Variants in TEX9 observed in about 807,000 individuals in gnomAD.
TEX9 encodes the protein testis-expressed protein 9.
TEX9 carries 74 observed loss-of-function variants against 59.6 expected under a neutral mutation model. The ratio of observed to expected loss-of-function variants is 1.24; its 90% CI spans 1.03 to 1.51. TEX9 has a LOEUF of 1.51. Among genes scored for constraint, TEX9 ranks in the 40% most tolerant of loss-of-function variants. The pLI, the probability that TEX9 is intolerant of heterozygous loss-of-function variation, is 0.00. For synonymous variants in TEX9, 186 were observed against 152.2 expected (o/e 1.22, Z -1.64); for missense variants, 522 against 447.8 (o/e 1.17, Z -1.49).
intron 9 of TEX9, among the ~76,000 whole-genome samples, chr15:56,407,625 T>C (rs377746110): frequency 1.6e-3 from 242 of 152,280 alleles, no homozygotes; most frequent in African/African-American, 5.7e-3. Context: ...CTACTTTAAA[T>C]GTATTTACAA....
chr15:56,315,038 G>A (rs1256625769), intron 1 of TEX9, among the ~76,000 whole-genome samples: 3 of 151,138 alleles, frequency 2.0e-5, no homozygotes, highest in Non-Finnish European at 4.4e-5. Context: ...TTGAGCCTAT[G>A]TGTGTCTCTG....
In TEX9 at chr15:56,318,450, T is replaced by A. The variant is rs1228015410; in HGVS notation, c.-106-54991T>A. 2.0e-5 allele frequency among the ~76,000 whole-genome samples: 3 copies of A among 152,188 alleles called. No homozygotes were observed. In the East Asian group the frequency reaches 5.8e-4, roughly 29 times the overall value. Reference sequence around the variant, plus strand: ...TATCGTTGGATCATGTTTTTATCTATTCTACAGTTCTTGGCCTTTTGATTG... The same window carrying A: ...TATCGTTGGATCATGTTTTTATCTAATCTACAGTTCTTGGCCTTTTGATTG... On this transcript the variant is annotated intron_variant, in intron 1 of 5. Coordinates refer to the TEX9 transcript ENST00000560827.
intron 9 of TEX9, among the ~76,000 whole-genome samples, chr15:56,403,171 A>G (rs957350624): frequency 1.2e-4 from 18 of 152,340 alleles, no homozygotes; most frequent in East Asian, 5.8e-4. Flanking sequence ...AGGGTATTCA[A>G]TTATGAAAAG....
At chr15:56,359,609 T>G (rs1437120718) in intron 1 of TEX9, among the ~76,000 whole-genome samples, 1 of 152,196 alleles carries the variant, frequency 6.6e-6, no homozygotes, top group Non-Finnish European at 1.5e-5. Flanking sequence ...TTTTTATCAT[T>G]TTATTAGTTA....
intron 1 of TEX9, among the ~76,000 whole-genome samples, chr15:56,350,920 T>C (rs1468327637): frequency 6.6e-6 from 1 of 152,170 alleles, no homozygotes; most frequent in African/African-American, 2.4e-5. Flanking sequence ...ATTTTTAGTA[T>C]GTGTGGCAAT....
chr15:56,409,268 G>C (rs1449068604), intron 9 of TEX9, among the ~76,000 whole-genome samples: 2 of 151,912 alleles, frequency 1.3e-5, no homozygotes, highest in African/African-American at 4.8e-5. Flanking sequence ...TCCTCCAAAG[G>C]CTTCCCGTGT....
intron 1 of TEX9, among the ~76,000 whole-genome samples, chr15:56,302,004 A>C (rs1413670922): frequency 1.3e-5 from 2 of 152,222 alleles, no homozygotes; most frequent in African/African-American, 2.4e-5. Flanking sequence ...TAGTATAATA[A>C]AATAGAAATA....
chr15:56,277,584 G>T (rs1567071068), intron 1 of TEX9, among the ~76,000 whole-genome samples: 1 of 152,228 alleles, frequency 6.6e-6, no homozygotes, highest in Non-Finnish European at 1.5e-5. Flanking sequence ...TAGCCTTACA[G>T]TTTGAAGTCA....
chr15:56,322,544 C>T (rs1247743353), intron 1 of TEX9, among the ~76,000 whole-genome samples: 1 of 152,122 alleles, frequency 6.6e-6, no homozygotes. Flanking sequence ...CCTCAGGATT[C>T]CTTATCTCTT....
chr15:56,358,861 C>T (rs538201755), intron 1 of TEX9, among the ~76,000 whole-genome samples: 1 of 152,176 alleles, frequency 6.6e-6, no homozygotes, highest in South Asian at 2.1e-4. Flanking sequence ...TTATAAGTGT[C>T]TGACATTTCC....
intron 9 of TEX9, chr15:56,397,393 G>C (rs776108417): frequency 1.3e-5 from 2 of 152,166 alleles, no homozygotes; most frequent in African/African-American, 2.4e-5. Flanking sequence ...GAGCACAAAA[G>C]GTTGGAAAAT....
intron 1 of TEX9, among the ~76,000 whole-genome samples, chr15:56,271,387 A>G (rs1212679604): frequency 6.6e-6 from 1 of 151,972 alleles, no homozygotes; most frequent in African/African-American, 2.4e-5. Flanking sequence ...CATTAATTTC[A>G]TCTTGAATCA....
chr15:56,432,587 T>G (rs1382437576), intron 12 of TEX9, among the ~76,000 whole-genome samples: 2 of 152,182 alleles, frequency 1.3e-5, no homozygotes, highest in Non-Finnish European at 2.9e-5. Context: ...CATTTATAAG[T>G]CTTTAAAAAT....
intron 1 of TEX9, among the ~76,000 whole-genome samples, chr15:56,338,086 A>G (rs1480684962): frequency 6.6e-6 from 1 of 152,174 alleles, no homozygotes; most frequent in Non-Finnish European, 1.5e-5. Flanking sequence ...GGCACAAGGA[A>G]TCTGAAATGA....
At chr15:56,247,747 A>G (rs192310460) in intron 1 of TEX9, among the ~76,000 whole-genome samples, 4 of 152,352 alleles carry the variant, frequency 2.6e-5, no homozygotes, top group African/African-American at 4.8e-5. Flanking sequence ...TGCTGAAAGT[A>G]TACATTTCAC....
chr15:56,431,544 T>G, intron 12 of TEX9: 1 of 1,600,736 alleles, frequency 6.2e-7, no homozygotes. Flanking sequence ...ACATTAATCT[T>G]ATACGAAGTT....
chr15:56,275,184 C>T (rs2141421657), intron 1 of TEX9, among the ~76,000 whole-genome samples: 1 of 152,274 alleles, frequency 6.6e-6, no homozygotes, highest in Non-Finnish European at 1.5e-5. Context: ...TGGCTCCTCC[C>T]CCAACGGTTG....
intron 4 of TEX9, among the ~76,000 whole-genome samples, chr15:56,386,945 A>T (rs377173045): frequency 2.3e-4 from 35 of 152,098 alleles, no homozygotes; most frequent in African/African-American, 7.9e-4. Flanking sequence ...TGGAACAATG[A>T]TATTCCACCT....
intron 3 of TEX9, among the ~76,000 whole-genome samples, chr15:56,383,281 G>A (rs1158512091): frequency 1.3e-5 from 2 of 152,174 alleles, no homozygotes; most frequent in Non-Finnish European, 2.9e-5. Context: ...GTCAGGAAGG[G>A]GTGGTGTCAG....
Sources: gnomAD v4.1 joint callset for allele counts (sites outside exome capture counted in the v4.1 genomes callset) on GRCh38, gnomAD v4.1.1 for gene constraint, MANE v1.5 for transcripts, NCBI Gene and HGNC (gene_info 2026-07-23, HGNC 2026-07-21) for gene names.